DNER: variants seen among roughly 807,000 people sequenced by gnomAD.
The protein encoded by DNER is delta/notch like EGF repeat containing, also known as delta and Notch-like epidermal growth factor-related receptor.
In DNER, 33 loss-of-function variants were observed where a neutral mutation model predicts 78.2. The observed-to-expected ratio is 0.42, with a 90% CI of 0.32 to 0.56. The LOEUF (loss-of-function observed/expected upper bound fraction) is 0.56. Among genes scored for constraint, DNER ranks in the 20% least tolerant of loss-of-function variants. The pLI, the probability that DNER is intolerant of heterozygous loss-of-function variation, is 0.11. For synonymous variants in DNER, 417 were observed against 384.8 expected (o/e 1.08, Z -0.98); for missense variants, 918 against 975.3 (o/e 0.94, Z 0.78).
At chr2:229,506,163 T>C (rs1695740813) in intron 6 of DNER, among the ~76,000 whole-genome samples, 1 of 137,792 alleles carries the variant, frequency 7.3e-6, no homozygotes, top group Non-Finnish European at 1.5e-5. Flanking sequence ...AGGAAAGAGG[T>C]TTAATTGACT....
intron 6 of DNER, among the ~76,000 whole-genome samples, chr2:229,489,035 C>T (rs1695338048): frequency 6.6e-6 from 1 of 152,218 alleles, no homozygotes; most frequent in Non-Finnish European, 1.5e-5. Flanking sequence ...AGCTGAGACC[C>T]AGGAAGATTA....
At chr2:229,479,958 T>A (rs1574861865) in intron 6 of DNER, among the ~76,000 whole-genome samples, 1 of 152,016 alleles carries the variant, frequency 6.6e-6, no homozygotes, top group Non-Finnish European at 1.5e-5. Flanking sequence ...ATGAATTCTG[T>A]CCCCGGAAAG....
rs577889659 is a variant in DNER at position 229,569,196 on chromosome 2, C to A, written c.847+16662G>T. Among the ~76,000 whole-genome samples the A allele has an allele frequency of 2.0e-5, 3 of 152,132 alleles. No homozygotes were observed. In the South Asian group the frequency reaches 6.2e-4, roughly 31 times the overall value. ...ATTCACAGGATACTCGTTCCAGGAA[C>A]CCCCACAGATACCAAAATCTGAAGA... On this transcript the variant is annotated intron_variant, in intron 4 of 12. Coordinates refer to ENST00000341772, the MANE Select transcript of DNER (RefSeq NM_139072.4).
chr2:229,520,672 CG>C (rs1696077406), intron 5 of DNER, among the ~76,000 whole-genome samples: 1 of 152,092 alleles, frequency 6.6e-6, no homozygotes. Context: ...AGCTAAAACT[CG>C]GAAACACTGG....
chr2:229,605,654 G>A (rs1463929579), intron 1 of DNER, among the ~76,000 whole-genome samples: 1 of 151,936 alleles, frequency 6.6e-6, no homozygotes, highest in Non-Finnish European at 1.5e-5. Flanking sequence ...GTTGAACTAT[G>A]TGAATTGTTA....
At chr2:229,416,089 T>C (rs1693644516) in intron 9 of DNER, among the ~76,000 whole-genome samples, 1 of 152,314 alleles carries the variant, frequency 6.6e-6, no homozygotes, top group Non-Finnish European at 1.5e-5. Context: ...TGCTTCTATT[T>C]CCACATGCTC....
Position 229,588,382 on chromosome 2 carries a change from G to T in DNER, c.680+12C>A. 1 of 1,608,878 alleles carries T rather than the reference G, an allele frequency of 6.2e-7. No homozygotes were observed. The highest frequency in any genetic ancestry group is 8.5e-7 in the Non-Finnish European group (1 of 1,176,682). ...ATCACTCTTAACAGTTTGTAACTCA[G>T]AATTTTCTTACTTGACTGAGGTGTT... On this transcript the variant is annotated intron_variant, in intron 3 of 12. Transcript: ENST00000341772.
chr2:229,483,368 A>G (rs561942185), intron 6 of DNER, among the ~76,000 whole-genome samples: 2 of 152,336 alleles, frequency 1.3e-5, no homozygotes, highest in African/African-American at 4.8e-5. Context: ...GATCAAGCCC[A>G]TGGTTCTGCC....
chr2:229,502,314 G>A (rs1695636473), intron 6 of DNER, among the ~76,000 whole-genome samples: 3 of 152,200 alleles, frequency 2.0e-5, no homozygotes, highest in Non-Finnish European at 4.4e-5. Context: ...GGCCACCTGA[G>A]TCCATGAAAT....
At chr2:229,701,527 C>A (rs1259077004) in intron 1 of DNER, among the ~76,000 whole-genome samples, 1 of 152,242 alleles carries the variant, frequency 6.6e-6, no homozygotes, top group Non-Finnish European at 1.5e-5. Context: ...CTTTGGGGTA[C>A]TTCGAGGTCC....
intron 1 of DNER, among the ~76,000 whole-genome samples, chr2:229,708,922 C>A (rs1368011266): frequency 2.6e-5 from 4 of 152,118 alleles, no homozygotes; most frequent in Non-Finnish European, 5.9e-5. Context: ...AGTTTTTGTT[C>A]TTTCATTTCA....
At chr2:229,519,769 A>G (rs1696058216) in intron 5 of DNER, among the ~76,000 whole-genome samples, 1 of 152,196 alleles carries the variant, frequency 6.6e-6, no homozygotes, top group African/African-American at 2.4e-5. Flanking sequence ...TAATGAGTTG[A>G]CAACTCTCAA....
intron 9 of DNER, among the ~76,000 whole-genome samples, chr2:229,412,213 G>A (rs1693538314): frequency 6.6e-6 from 1 of 152,232 alleles, no homozygotes; most frequent in Non-Finnish European, 1.5e-5. Context: ...GGACACAGCA[G>A]TATTTTGGTT....
intron 4 of DNER, among the ~76,000 whole-genome samples, chr2:229,551,271 C>T (rs574121689): frequency 4.7e-4 from 72 of 152,266 alleles, no homozygotes; most frequent in African/African-American, 1.4e-3. Context: ...CAAATATCTA[C>T]GATGACTAAT....
intron 10 of DNER, among the ~76,000 whole-genome samples, chr2:229,404,469 G>A (rs1249625591): frequency 3.9e-5 from 6 of 152,156 alleles, no homozygotes; most frequent in South Asian, 2.1e-4. Context: ...CTGCCCCCAC[G>A]ATCCAATTAC....
chr2:229,655,806 A>T (rs964266831), intron 1 of DNER, among the ~76,000 whole-genome samples: 13 of 152,058 alleles, frequency 8.5e-5, no homozygotes, highest in Non-Finnish European at 1.5e-4. Flanking sequence ...CTAAGAAGGG[A>T]AGAAGAGAAA....
chr2:229,599,200 G>A (rs1443908583), intron 1 of DNER, among the ~76,000 whole-genome samples: 1 of 152,132 alleles, frequency 6.6e-6, no homozygotes, highest in African/African-American at 2.4e-5. Flanking sequence ...GAAGATAGAG[G>A]CAAGGATGGG....
intron 1 of DNER, among the ~76,000 whole-genome samples, chr2:229,693,381 C>T (rs1699613376): frequency 6.6e-6 from 1 of 151,862 alleles, no homozygotes; most frequent in Non-Finnish European, 1.5e-5. Flanking sequence ...AGTGTGAGAA[C>T]AGACTAATAG....
intron 6 of DNER, among the ~76,000 whole-genome samples, chr2:229,492,271 C>T (rs1253918842): frequency 1.3e-5 from 2 of 152,194 alleles, no homozygotes; most frequent in Admixed American, 6.5e-5. Flanking sequence ...CACAAGGTCA[C>T]ACAACCAGTA....
Sources: gnomAD v4.1 joint callset for allele counts (sites outside exome capture counted in the v4.1 genomes callset) on GRCh38, gnomAD v4.1.1 for gene constraint, MANE v1.5 for transcripts, NCBI Gene and HGNC (gene_info 2026-07-23, HGNC 2026-07-21) for gene names.